The following TBX15 variants were observed in gnomAD, a reference collection of about 807,000 sequenced individuals.
TBX15 encodes the protein T-box transcription factor TBX15.
Under a neutral mutation model 53.9 loss-of-function variants are expected in TBX15, and 18 were observed. The observed-to-expected ratio is 0.33, with a 90% CI of 0.23 to 0.49. The LOEUF is 0.49. TBX15 is among the 20% of genes least tolerant of loss of function. The pLI is 0.98. For missense variants in TBX15, 692 were observed against 749.5 expected (o/e 0.92, Z 0.90); for synonymous variants, 295 against 278.0 (o/e 1.06, Z -0.61).
At position 118,924,902 on chromosome 1, in the gene TBX15, A is replaced by G. The variant is rs1411316235; in HGVS notation, c.522-85T>C. ...CAGGAAACAAGTTGAGACAGGGGAA[A>G]GGAGAGAAAAACAAAGAGATTACAT... On this transcript the variant is annotated intron_variant, in intron 3 of 7. Transcript: ENST00000369429. The G allele has an allele frequency of 4.1e-6, 6 of 1,465,568 alleles. No individual in the cohort carries two copies. In the African/African-American group the frequency reaches 8.4e-5, roughly 20 times the overall value. 90.8% of individuals were successfully genotyped at this position (1,465,568 alleles called of 1,614,324 possible). A position where few individuals can be genotyped will look rare whatever the true frequency, so the allele number is the denominator to read the frequency against.
intron 1 of TBX15, among the ~76,000 whole-genome samples, chr1:118,980,667 A>G (rs1232052600): frequency 2.6e-5 from 4 of 152,238 alleles, no homozygotes; most frequent in Non-Finnish European, 4.4e-5. Context: ...TCTACATGGA[A>G]GAACATGAAA....
intron 6 of TBX15, chr1:118,901,462 C>T (rs1007181682): frequency 1.8e-5 from 8 of 454,878 alleles, no homozygotes; most frequent in Admixed American, 1.6e-4. Context: ...CTTTGGGGGA[C>T]ATATTCAAAC....
chr1:118,889,710 C>A (rs1177532181), intron 7 of TBX15, among the ~76,000 whole-genome samples: 1 of 152,072 alleles, frequency 6.6e-6, no homozygotes, highest in Non-Finnish European at 1.5e-5. Context: ...TTGCCAATAT[C>A]TATTTTGTAG....
chr1:118,908,764 A>T (rs997447865), intron 6 of TBX15, among the ~76,000 whole-genome samples: 31 of 150,612 alleles, frequency 2.1e-4, no homozygotes, highest in South Asian at 6.3e-4. Context: ...TCTCTCTCTC[A>T]CACACACACA....
chr1:118,898,014 C>T (rs2101495750), intron 7 of TBX15, among the ~76,000 whole-genome samples: 1 of 152,276 alleles, frequency 6.6e-6, no homozygotes, highest in South Asian at 2.1e-4. Flanking sequence ...ACAATGATAA[C>T]TAGTTGTATT....
chr1:118,970,597 C>T (rs991358803), intron 1 of TBX15, among the ~76,000 whole-genome samples: 2 of 152,172 alleles, frequency 1.3e-5, no homozygotes, highest in South Asian at 2.1e-4. Context: ...TGTTTTTCTC[C>T]TTGACCATCT....
chr1:118,964,713 G>T (rs1656987317), intron 1 of TBX15, among the ~76,000 whole-genome samples: 1 of 152,222 alleles, frequency 6.6e-6, no homozygotes, highest in Admixed American at 6.5e-5. Context: ...TGAAGGCTGT[G>T]CATGGTGAAA....
chr1:118,916,375 G>A (rs542836432), intron 5 of TBX15, among the ~76,000 whole-genome samples: 1 of 152,112 alleles, frequency 6.6e-6, no homozygotes, highest in African/African-American at 2.4e-5. Flanking sequence ...CACAAGAGAA[G>A]GAAAAAGGAC....
intron 1 of TBX15, among the ~76,000 whole-genome samples, chr1:118,982,200 C>A (rs1397201887): frequency 1.3e-5 from 2 of 152,218 alleles, no homozygotes; most frequent in Non-Finnish European, 2.9e-5. Context: ...TTGTACAGTT[C>A]GGCCTTGCTT....
intron 1 of TBX15, among the ~76,000 whole-genome samples, chr1:118,967,028 C>G (rs1657055640): frequency 6.6e-6 from 1 of 152,088 alleles, no homozygotes. Flanking sequence ...TAATAGGGCA[C>G]TTATTGCAAG....
At chr1:118,892,880 T>C (rs897962119) in intron 7 of TBX15, among the ~76,000 whole-genome samples, 1 of 152,142 alleles carries the variant, frequency 6.6e-6, no homozygotes, top group African/African-American at 2.4e-5. Context: ...CGCACTGACA[T>C]ATGGATTCCT....
chr1:118,985,470 C>T (rs996214770), intron 1 of TBX15, among the ~76,000 whole-genome samples: 5 of 152,206 alleles, frequency 3.3e-5, no homozygotes, highest in South Asian at 4.1e-4. Flanking sequence ...GTCTCCACGC[C>T]ACGGCGCCCT....
At chr1:118,981,303 T>TACACACACACAC (rs35594301) in intron 1 of TBX15, among the ~76,000 whole-genome samples, 165 of 146,828 alleles carry the variant, frequency 1.1e-3, no homozygotes, top group Middle Eastern at 3.5e-3. Flanking sequence ...TTAAACTAGC[T>TACACACACACAC]ACACACACAC....
intron 1 of TBX15, among the ~76,000 whole-genome samples, chr1:118,959,959 T>C (rs1656813201): frequency 1.3e-5 from 2 of 151,312 alleles, no homozygotes; most frequent in South Asian, 4.2e-4. Context: ...CTTCTCTGAA[T>C]CTCTCCTGCA....
At chr1:118,937,321 T>C (rs929046362) in intron 1 of TBX15, among the ~76,000 whole-genome samples, 1 of 152,176 alleles carries the variant, frequency 6.6e-6, no homozygotes, top group African/African-American at 2.4e-5. Flanking sequence ...TGACTACATA[T>C]TGAACATTTA....
chr1:118,932,883 C>A (rs1363480138), intron 1 of TBX15, among the ~76,000 whole-genome samples: 1 of 152,132 alleles, frequency 6.6e-6, no homozygotes, highest in African/African-American at 2.4e-5. Flanking sequence ...GCAAGTCAAG[C>A]CTAAGAATCC....
Position 118,885,371 on chromosome 1 carries a change from C to T in TBX15, c.1170G>A (p.Gln390=). Residue 390 remains glutamine, a synonymous_variant, in exon 8 of 8, where the codon CAG becomes CAA. Transcript: ENST00000369429. The part of the protein sequence containing the change: ...NTFNVGCRES[Q]LCNLNLSDYP... The stretch of plus-strand genomic sequence containing the variant: ...AATCAGAGAGGTTTAGATTACACAG[C>T]TGGCTTTCTCGGCAGCCCACATTGA... The T allele has an allele frequency of 2.5e-6, 4 of 1,614,006 alleles. No individual in the cohort carries two copies. The highest frequency in any genetic ancestry group is 2.5e-6 in the Non-Finnish European group (3 of 1,180,040).
At chr1:118,899,749 A>G (rs768873780) in intron 6 of TBX15, among the ~76,000 whole-genome samples, 5 of 152,214 alleles carry the variant, frequency 3.3e-5, no homozygotes, top group Non-Finnish European at 7.3e-5. Context: ...TGGCTCAGGC[A>G]AAAAGACTAA....
intron 6 of TBX15, among the ~76,000 whole-genome samples, chr1:118,901,666 T>G (rs995659347): frequency 3.9e-5 from 6 of 152,204 alleles, no homozygotes; most frequent in Non-Finnish European, 8.8e-5. Context: ...TGTCATCTAC[T>G]ATAACTCTTA....
Sources: allele counts gnomAD v4.1 joint callset (sites outside exome capture counted in the v4.1 genomes callset), GRCh38; gene constraint gnomAD v4.1.1; transcripts MANE v1.5; gene names NCBI Gene and HGNC (gene_info 2026-07-23, HGNC 2026-07-21).